DYM: variants seen among roughly 807,000 people sequenced by gnomAD.
DYM encodes dyggve-Melchior-Clausen syndrome protein.
A neutral mutation model predicts 93.1 loss-of-function variants in DYM; 78 were observed. That is an observed-to-expected ratio of 0.84 (90% CI 0.70 to 1.01). DYM has a LOEUF of 1.01. DYM is among the 50% of genes least tolerant of loss of function. The probability of loss-of-function intolerance (pLI) is 0.00; values close to 1 mark genes in which losing one functional copy is unlikely to be tolerated. For missense variants in DYM, 789 were observed against 845.0 expected, an observed-to-expected ratio of 0.93 and a Z score of 0.82; for synonymous variants, 321 against 319.7, an observed-to-expected ratio of 1.00 and a Z score of -0.04.
At chr18:49,104,101 G>T (rs1452810628) in intron 16 of DYM, among the ~76,000 whole-genome samples, 2 of 152,222 alleles carry the variant, frequency 1.3e-5, no homozygotes, top group Middle Eastern at 3.4e-3. Flanking sequence ...GCAGTGGTTT[G>T]TAGTTCTCCT....
At chr18:49,454,727 G>A (rs570170738) in intron 1 of DYM, among the ~76,000 whole-genome samples, 176 of 149,238 alleles carry the variant, frequency 1.2e-3, no homozygotes, top group African/African-American at 4.3e-3. Flanking sequence ...GTGAAACCCC[G>A]TCTCTACTAA....
intron 14 of DYM, among the ~76,000 whole-genome samples, chr18:49,183,739 C>T (rs1459197427): frequency 6.6e-6 from 1 of 152,076 alleles, no homozygotes; most frequent in Non-Finnish European, 1.5e-5. Context: ...GTGTTAGGGA[C>T]TGAATGTATG....
At chr18:49,055,460 T>C (rs1416304008) in intron 17 of DYM, among the ~76,000 whole-genome samples, 2 of 152,182 alleles carry the variant, frequency 1.3e-5, no homozygotes, top group African/African-American at 2.4e-5. Flanking sequence ...AATCAATTCC[T>C]ACTTAGGAGG....
At chr18:49,095,952 T>C (rs1038247934) in intron 17 of DYM, among the ~76,000 whole-genome samples, 1 of 152,126 alleles carries the variant, frequency 6.6e-6, no homozygotes, top group Non-Finnish European at 1.5e-5. Flanking sequence ...CCAAGATCCA[T>C]CACTTCCTGG....
rs566122219 is a variant in DYM, at chr18:49,185,086, A to G, written c.1626-21299T>C. 2.0e-5 allele frequency among the ~76,000 whole-genome samples: 3 copies of G among 152,316 alleles called. No homozygotes were observed. In the South Asian group the frequency reaches 6.2e-4, roughly 32 times the overall value. ...CACAATCTTGAGAAAGAGTATTTCA[A>G]TAAAAAGGAACAATAAATACAAGAA... On this transcript the variant is annotated intron_variant, in intron 14 of 17. Coordinates refer to ENST00000675505, the MANE Select transcript of DYM (RefSeq NM_001353214.3).
chr18:49,168,213 C>T (rs2088162904), intron 14 of DYM, among the ~76,000 whole-genome samples: 1 of 151,036 alleles, frequency 6.6e-6, no homozygotes, highest in Non-Finnish European at 1.5e-5. Flanking sequence ...CACATGAGTA[C>T]TCCCTCTCTC....
chr18:49,379,341 GTCA>G (rs2067817887), intron 4 of DYM, among the ~76,000 whole-genome samples: 1 of 151,974 alleles, frequency 6.6e-6, no homozygotes, highest in Admixed American at 6.6e-5. Context: ...CTCAGACTAA[GTCA>G]TCATTTAAAC....
At chr18:49,398,804 A>G (rs1477387365) in intron 2 of DYM, among the ~76,000 whole-genome samples, 1 of 152,228 alleles carries the variant, frequency 6.6e-6, no homozygotes, top group Admixed American at 6.5e-5. Context: ...AGATTTAATG[A>G]TACACATTAG....
chr18:49,063,582 C>A lies in DYM; in HGVS notation c.2026-19378G>T, dbSNP rs1367942284. ...CTGGGCTGCTAAGTGGTTGGAAAGG[C>A]TTTGCTGAGAAGGTAGTAATTTCTT... On this transcript the variant is annotated intron_variant, in intron 17 of 17. Coordinates refer to ENST00000675505, the MANE Select transcript of DYM (RefSeq NM_001353214.3). 2.8e-5 allele frequency among the ~76,000 whole-genome samples: 4 copies of A among 145,398 alleles called. No individual in the cohort carries two copies. The East Asian group carries it at 8.2e-4, about 30-fold the overall frequency.
chr18:49,323,207 C>CA (rs1000042151), intron 8 of DYM, among the ~76,000 whole-genome samples: 6 of 151,890 alleles, frequency 4.0e-5, no homozygotes, highest in Non-Finnish European at 5.9e-5. Flanking sequence ...CAAAACATAA[C>CA]AAAAAAACAA....
intron 14 of DYM, among the ~76,000 whole-genome samples, chr18:49,167,443 A>G (rs1415009153): frequency 2.6e-5 from 4 of 152,204 alleles, no homozygotes; most frequent in Non-Finnish European, 4.4e-5. Context: ...GAAGAGAAAC[A>G]GAGAATTCAC....
intron 6 of DYM, among the ~76,000 whole-genome samples, chr18:49,336,357 G>C (rs1286899005): frequency 6.6e-6 from 1 of 152,146 alleles, no homozygotes; most frequent in African/African-American, 2.4e-5. Context: ...AATCAGAAGT[G>C]AGAGAACAAA....
intron 1 of DYM, among the ~76,000 whole-genome samples, chr18:49,436,249 C>G (rs1215479498): frequency 1.3e-5 from 2 of 152,134 alleles, no homozygotes; most frequent in Admixed American, 6.6e-5. Flanking sequence ...CTCCTGGCCT[C>G]AAGAGACCCT....
chr18:49,341,138 T>C (rs2064085611), intron 6 of DYM, among the ~76,000 whole-genome samples: 1 of 152,108 alleles, frequency 6.6e-6, no homozygotes, highest in Non-Finnish European at 1.5e-5. Flanking sequence ...CCAAATTTCA[T>C]GACAAAAAAT....
At chr18:49,377,214 A>G (rs2067584279) in intron 5 of DYM, among the ~76,000 whole-genome samples, 2 of 152,240 alleles carry the variant, frequency 1.3e-5, no homozygotes, top group East Asian at 1.9e-4. Context: ...GCTTGAATGC[A>G]CAAAAGGTTA....
At chr18:49,162,445 T>C (rs1049786378) in intron 15 of DYM, among the ~76,000 whole-genome samples, 1 of 152,320 alleles carries the variant, frequency 6.6e-6, no homozygotes, top group East Asian at 1.9e-4. Context: ...TCTCTCTTCC[T>C]CTTCTTATAA....
intron 17 of DYM, among the ~76,000 whole-genome samples, chr18:49,072,808 T>G (rs1005172262): frequency 2.0e-5 from 3 of 152,228 alleles, no homozygotes; most frequent in Admixed American, 1.3e-4. Flanking sequence ...TTAGAGCCCT[T>G]GCTGAAGCAC....
chr18:49,216,866 C>T (rs574110010), intron 13 of DYM, among the ~76,000 whole-genome samples: 15 of 152,314 alleles, frequency 9.8e-5, no homozygotes, highest in South Asian at 2.1e-4. Flanking sequence ...TCCAAAGGAA[C>T]GCAGTTCCTC....
intron 14 of DYM, among the ~76,000 whole-genome samples, chr18:49,202,613 G>T (rs1212350051): frequency 3.4e-4 from 39 of 115,932 alleles, no homozygotes; most frequent in African/African-American, 1.3e-3. Flanking sequence ...GCCGCCCATT[G>T]TCTGAGATGT....
Sources: gnomAD v4.1 joint callset for allele counts (sites outside exome capture counted in the v4.1 genomes callset) on GRCh38, gnomAD v4.1.1 for gene constraint, MANE v1.5 for transcripts, NCBI Gene and HGNC (gene_info 2026-07-23, HGNC 2026-07-21) for gene names.